The following DLG2 variants were observed in gnomAD, a reference collection of about 807,000 sequenced individuals.
DLG2 encodes the protein discs large MAGUK scaffold protein 2, also known as disks large homolog 2.
DLG2 carries 45 observed loss-of-function variants against 132.5 expected under a neutral mutation model. The ratio of observed to expected loss-of-function variants is 0.34; its 90% confidence interval spans 0.27 to 0.44. The LOEUF (loss-of-function observed/expected upper bound fraction) is 0.44. Ranked by LOEUF, DLG2 falls within the 20% of genes least tolerant of loss-of-function variation. The pLI is 1.00. For missense variants in DLG2, 1,045 were observed against 1,196.9 expected, an observed-to-expected ratio of 0.87 and a Z score of 1.87; for synonymous variants, 424 against 419.6, an observed-to-expected ratio of 1.01 and a Z score of -0.13.
At chr11:83,766,415 T>A (rs993232971) in intron 18 of DLG2, among the ~76,000 whole-genome samples, 2 of 148,506 alleles carry the variant, frequency 1.3e-5, no homozygotes, top group Admixed American at 6.7e-5. Context: ...TTTTTTTTTA[T>A]AATGAGTTAT....
chr11:83,532,116 G>T (rs1322852207), intron 21 of DLG2, among the ~76,000 whole-genome samples: 2 of 152,020 alleles, frequency 1.3e-5, no homozygotes, highest in Non-Finnish European at 2.9e-5. Flanking sequence ...CCACTGGATT[G>T]TATTTTTTAA....
intron 2 of DLG2, among the ~76,000 whole-genome samples, chr11:85,608,923 T>G (rs991767760): frequency 3.3e-5 from 5 of 152,010 alleles, no homozygotes; most frequent in African/African-American, 1.2e-4. Context: ...AGCATGAGAG[T>G]TTGGAGATAC....
At chr11:85,472,231 C>T (rs2093006751) in intron 3 of DLG2, among the ~76,000 whole-genome samples, 1 of 152,206 alleles carries the variant, frequency 6.6e-6, no homozygotes, top group Admixed American at 6.5e-5. Flanking sequence ...CAGACTCAGC[C>T]ACATGCTGGG....
intron 6 of DLG2, among the ~76,000 whole-genome samples, chr11:85,052,910 A>C (rs191224576): frequency 1.4e-4 from 22 of 152,322 alleles, no homozygotes; most frequent in Admixed American, 1.2e-3. Flanking sequence ...GCTCAGAATC[A>C]TTTCACTGTT....
chr11:84,578,809 G>A (rs1271977649), intron 6 of DLG2, among the ~76,000 whole-genome samples: 1 of 152,142 alleles, frequency 6.6e-6, no homozygotes, highest in South Asian at 2.1e-4. Context: ...TGAGGGGCCA[G>A]GGGTAGAATG....
chr11:84,500,300 A>T (rs896583625), intron 7 of DLG2, among the ~76,000 whole-genome samples: 1 of 151,210 alleles, frequency 6.6e-6, no homozygotes, highest in African/African-American at 2.4e-5. Flanking sequence ...CATGCTACAG[A>T]CTCTATTTAC....
intron 6 of DLG2, among the ~76,000 whole-genome samples, chr11:84,609,223 G>C (rs1054106070): frequency 6.6e-6 from 1 of 152,134 alleles, no homozygotes; most frequent in African/African-American, 2.4e-5. Flanking sequence ...TCATGGGTAA[G>C]TTAGTTAACC....
At chr11:84,735,825 A>C (rs944497613) in intron 6 of DLG2, among the ~76,000 whole-genome samples, 2 of 151,954 alleles carry the variant, frequency 1.3e-5, no homozygotes. Context: ...TATATTAGAT[A>C]TATGTTGCAT....
intron 19 of DLG2, among the ~76,000 whole-genome samples, chr11:83,558,458 T>C (rs2096556400): frequency 6.6e-6 from 1 of 152,170 alleles, no homozygotes; most frequent in South Asian, 2.1e-4. Flanking sequence ...TCAAGAGGAA[T>C]AGAAAGTGAG....
chr11:84,718,061 T>C (rs1318791935), intron 6 of DLG2, among the ~76,000 whole-genome samples: 1 of 152,044 alleles, frequency 6.6e-6, no homozygotes, highest in Non-Finnish European at 1.5e-5. Context: ...AAGGCTACAG[T>C]AGAAAGTCCC....
chr11:83,820,536 A>C (rs541441845), intron 17 of DLG2, among the ~76,000 whole-genome samples: 1 of 152,276 alleles, frequency 6.6e-6, no homozygotes, highest in African/African-American at 2.4e-5. Flanking sequence ...TTCAGGCTGA[A>C]AAGTCCAGAC....
At chr11:83,897,916 C>T (rs1359686435) in intron 15 of DLG2, among the ~76,000 whole-genome samples, 1 of 152,048 alleles carries the variant, frequency 6.6e-6, no homozygotes, top group African/African-American at 2.4e-5. Flanking sequence ...TTGTATCATC[C>T]CCATTTTGCG....
At chr11:84,491,223 C>G (rs558490919) in intron 7 of DLG2, among the ~76,000 whole-genome samples, 2 of 152,124 alleles carry the variant, frequency 1.3e-5, no homozygotes, top group East Asian at 3.9e-4. Flanking sequence ...TGGGACGGAC[C>G]TGGTGGGAGA....
chr11:85,078,026 G>C (rs1294371964), intron 6 of DLG2, among the ~76,000 whole-genome samples: 1 of 151,710 alleles, frequency 6.6e-6, no homozygotes, highest in African/African-American at 2.4e-5. Context: ...CTTTAATTCA[G>C]GTATTATTAC....
intron 17 of DLG2, among the ~76,000 whole-genome samples, chr11:83,829,905 C>T (rs1033220783): frequency 6.6e-5 from 10 of 152,244 alleles, no homozygotes; most frequent in Admixed American, 6.5e-4. Flanking sequence ...ACTTGCCCCA[C>T]CATACGACAG....
At chr11:84,715,551 T>C (rs892531567) in intron 6 of DLG2, among the ~76,000 whole-genome samples, 1 of 152,114 alleles carries the variant, frequency 6.6e-6, no homozygotes, top group Admixed American at 6.6e-5. Context: ...CAATCTCCCA[T>C]AACCACCATT....
chr11:83,950,634 G>A (rs1322803055), intron 14 of DLG2, among the ~76,000 whole-genome samples: 5 of 152,158 alleles, frequency 3.3e-5, no homozygotes, highest in Non-Finnish European at 7.4e-5. Flanking sequence ...AATGGCTTGG[G>A]CCACAGAATG....
chr11:84,334,265 G>T (rs1336265991), intron 7 of DLG2, among the ~76,000 whole-genome samples: 1 of 152,172 alleles, frequency 6.6e-6, no homozygotes, highest in Non-Finnish European at 1.5e-5. Context: ...TGAAACTAAT[G>T]CTCATCTTTT....
chr11:84,143,495 C>T (rs1050762257), intron 9 of DLG2, among the ~76,000 whole-genome samples: 2 of 152,094 alleles, frequency 1.3e-5, no homozygotes, highest in Non-Finnish European at 2.9e-5. Context: ...TTTAAAACCA[C>T]GTAATTCACC....
Sources: gnomAD v4.1 joint callset for allele counts (sites outside exome capture counted in the v4.1 genomes callset) on GRCh38, gnomAD v4.1.1 for gene constraint, MANE v1.5 for transcripts, NCBI Gene and HGNC (gene_info 2026-07-23, HGNC 2026-07-21) for gene names.